PCDH7: variants seen among roughly 807,000 people sequenced by gnomAD.
PCDH7 encodes protocadherin 7.
In PCDH7, 17 loss-of-function variants were observed where a neutral mutation model predicts 58.9. The observed-to-expected ratio is 0.29, with a 90% CI of 0.20 to 0.43. The LOEUF (loss-of-function observed/expected upper bound fraction) is 0.43, where lower values mean the gene tolerates loss of function less well. Ranked by LOEUF, PCDH7 falls within the 20% of genes least tolerant of loss-of-function variation. The probability of loss-of-function intolerance (pLI) is 1.00; values close to 1 mark genes in which losing one functional copy is unlikely to be tolerated. For missense variants in PCDH7, 1,274 were observed against 1,441.0 expected, an observed-to-expected ratio of 0.88 and a Z score of 1.88; for synonymous variants, 664 against 616.4, an observed-to-expected ratio of 1.08 and a Z score of -1.14.
chr4:30,937,848 C>A (rs1232906659), intron 2 of PCDH7, among the ~76,000 whole-genome samples: 4 of 151,656 alleles, frequency 2.6e-5, no homozygotes, highest in Non-Finnish European at 4.4e-5. Context: ...AACACACATG[C>A]AGAAAAGATG....
intron 3 of PCDH7, among the ~76,000 whole-genome samples, chr4:31,015,628 C>T (rs937959519): frequency 1.3e-5 from 2 of 152,106 alleles, no homozygotes; most frequent in African/African-American, 4.8e-5. Flanking sequence ...CTCTGAACTC[C>T]CTCATAAGCC....
chr4:30,902,682 G>GA (rs916994299), intron 1 of PCDH7, among the ~76,000 whole-genome samples: 2 of 150,940 alleles, frequency 1.3e-5, no homozygotes, highest in African/African-American at 2.4e-5. Context: ...AACTTTTGTG[G>GA]AAAAAAAAGA....
chr4:31,116,063 A>C (rs1051627075), intron 3 of PCDH7, among the ~76,000 whole-genome samples: 1 of 152,200 alleles, frequency 6.6e-6, no homozygotes, highest in Non-Finnish European at 1.5e-5. Flanking sequence ...CAGGTTAATT[A>C]GATTTCTACA....
chr4:30,969,736 T>C (rs1749389100), intron 3 of PCDH7, among the ~76,000 whole-genome samples: 1 of 152,158 alleles, frequency 6.6e-6, no homozygotes. Flanking sequence ...TAAAGTATCT[T>C]GTATCTATGT....
At chr4:30,732,449 ATATT>A (rs1407453118) in exon 2 of PCDH7, 1 of 152,232 alleles carries the variant, frequency 6.6e-6, no homozygotes, top group Non-Finnish European at 1.5e-5. Flanking sequence ...CATAGAAGTG[ATATT>A]TATGAATACC....
chr4:30,777,897 T>C (rs753463081), intron 1 of PCDH7, among the ~76,000 whole-genome samples: 11 of 152,256 alleles, frequency 7.2e-5, no homozygotes, highest in Admixed American at 1.3e-4. Context: ...TGCTTGTACA[T>C]TTTACTAAAT....
intron 3 of PCDH7, among the ~76,000 whole-genome samples, chr4:31,025,370 T>C (rs1018345747): frequency 2.0e-5 from 3 of 152,208 alleles, no homozygotes; most frequent in African/African-American, 4.8e-5. Flanking sequence ...TTGTTTCTTA[T>C]GTAGTTCTTC....
chr4:30,810,978 C>T (rs529245182), intron 1 of PCDH7, among the ~76,000 whole-genome samples: 8 of 152,226 alleles, frequency 5.3e-5, no homozygotes, highest in African/African-American at 1.7e-4. Context: ...TATACTTAAA[C>T]CTTAACAGTT....
exon 2 of PCDH7, chr4:30,730,953 A>C: frequency 7.7e-7 from 1 of 1,293,814 alleles, no homozygotes; most frequent in Non-Finnish European, 9.8e-7. Context: ...TATACAGAAA[A>C]ATAGTATGAA....
At chr4:30,826,886 C>T (rs116408880) in intron 1 of PCDH7, among the ~76,000 whole-genome samples, 6,033 of 152,046 alleles carry the variant, frequency 0.04, 404 homozygotes, top group African/African-American at 0.14. Context: ...CCACCATGCC[C>T]AGCTAATTTC....
chr4:30,731,055 T>C, exon 2 of PCDH7: 1 of 1,171,942 alleles, frequency 8.5e-7, no homozygotes, highest in Non-Finnish European at 1.1e-6. Flanking sequence ...AAGAGGCGGT[T>C]AGCACCTATT....
intron 3 of PCDH7, among the ~76,000 whole-genome samples, chr4:30,974,164 C>CTTTT (rs1188252097): frequency 2.0e-5 from 3 of 151,464 alleles, no homozygotes; most frequent in Non-Finnish European, 4.4e-5. Context: ...TTCTTTCTTT[C>CTTTT]TTTCTTTTTC....
At chr4:30,733,410 A>G (rs1715795208), downstream of PCDH7, among the ~76,000 whole-genome samples, 1 of 152,202 alleles carries the variant, frequency 6.6e-6, no homozygotes, top group Admixed American at 6.5e-5. Flanking sequence ...AATATATTAT[A>G]AAGATGATAA....
At chr4:30,969,843 A>G (rs1329680776) in intron 3 of PCDH7, among the ~76,000 whole-genome samples, 3 of 152,228 alleles carry the variant, frequency 2.0e-5, no homozygotes, top group African/African-American at 7.2e-5. Flanking sequence ...TATAGCATCT[A>G]GAAGCTGAGA....
intron 3 of PCDH7, among the ~76,000 whole-genome samples, chr4:31,029,487 C>T (rs774059569): frequency 3.9e-5 from 6 of 152,134 alleles, no homozygotes; most frequent in Non-Finnish European, 7.4e-5. Flanking sequence ...TATTTGCAGG[C>T]ACAGCTGAAG....
At chr4:31,000,980 A>G (rs889536632) in intron 3 of PCDH7, among the ~76,000 whole-genome samples, 2 of 152,130 alleles carry the variant, frequency 1.3e-5, no homozygotes, top group African/African-American at 4.8e-5. Flanking sequence ...TCAAAAGTAT[A>G]TTAATTAAAC....
At chr4:30,897,220 A>T (rs565339221) in intron 1 of PCDH7, among the ~76,000 whole-genome samples, 1 of 152,068 alleles carries the variant, frequency 6.6e-6, no homozygotes, top group East Asian at 1.9e-4. Context: ...TTCTTTGTTT[A>T]CAACACTAAA....
chr4:30,929,742 A>G (rs1744329103), intron 2 of PCDH7, among the ~76,000 whole-genome samples: 1 of 152,108 alleles, frequency 6.6e-6, no homozygotes, highest in Non-Finnish European at 1.5e-5. Context: ...GTCTACATTA[A>G]TGAAGTTGTT....
intron 3 of PCDH7, among the ~76,000 whole-genome samples, chr4:30,957,114 C>G (rs747952211): frequency 2.3e-4 from 35 of 152,150 alleles, no homozygotes; most frequent in Non-Finnish European, 3.1e-4. Context: ...TCTCATGGCT[C>G]TGGTCACGAG....
Sources: allele counts gnomAD v4.1 joint callset (sites outside exome capture counted in the v4.1 genomes callset), GRCh38; gene constraint gnomAD v4.1.1; transcripts MANE v1.5; gene names NCBI Gene and HGNC (gene_info 2026-07-23, HGNC 2026-07-21).